ETV6: variants seen among roughly 807,000 people sequenced by gnomAD.
ETV6 encodes ETS variant transcription factor 6, also known as transcription factor ETV6.
Under a neutral mutation model 51.1 loss-of-function variants are expected in ETV6, and 16 were observed. That is an observed-to-expected ratio of 0.31 (90% CI 0.21 to 0.48). The LOEUF (loss-of-function observed/expected upper bound fraction) is 0.48. Ranked by LOEUF, ETV6 falls within the 20% of genes least tolerant of loss-of-function variation. The pLI is 0.99. For missense variants in ETV6, 458 were observed against 594.8 expected, an observed-to-expected ratio of 0.77 and a Z score of 2.39; for synonymous variants, 240 against 224.1, an observed-to-expected ratio of 1.07 and a Z score of -0.64.
chr12:11,840,216 T>G (rs1295055186), intron 3 of ETV6, among the ~76,000 whole-genome samples: 2 of 152,218 alleles, frequency 1.3e-5, no homozygotes, highest in Non-Finnish European at 2.9e-5. Context: ...AATTAAGGGC[T>G]CCTGATAATG....
At chr12:11,700,528 C>T (rs1864959781) in intron 1 of ETV6, among the ~76,000 whole-genome samples, 1 of 152,146 alleles carries the variant, frequency 6.6e-6, no homozygotes, top group Non-Finnish European at 1.5e-5. Context: ...AAAAACATAA[C>T]TACTAATAGC....
intron 2 of ETV6, among the ~76,000 whole-genome samples, chr12:11,792,552 T>C (rs1184060234): frequency 6.6e-6 from 1 of 152,106 alleles, no homozygotes; most frequent in Non-Finnish European, 1.5e-5. Context: ...CCAGGCGTGG[T>C]GGCGCACGCC....
intron 1 of ETV6, among the ~76,000 whole-genome samples, chr12:11,675,320 C>A (rs1864402293): frequency 6.6e-6 from 1 of 152,160 alleles, no homozygotes; most frequent in Admixed American, 6.5e-5. Context: ...AAACAAAAAG[C>A]CCCTGGAAAT....
At chr12:11,877,463 CACCTTCGCACACATGCATCTGTGCATAA>C (rs934877028) in intron 5 of ETV6, among the ~76,000 whole-genome samples, 4 of 152,228 alleles carry the variant, frequency 2.6e-5, no homozygotes, top group Non-Finnish European at 5.9e-5. Flanking sequence ...GACACATGTG[CACCTTCGCACACATGCATCTGTGCATAA>C]ATATCTGTGT....
At chr12:11,886,764 G>A (rs181859150) in intron 7 of ETV6, among the ~76,000 whole-genome samples, 420 of 152,224 alleles carry the variant, frequency 2.8e-3, no homozygotes, top group Non-Finnish European at 4.6e-3. Context: ...GAAAGAACTG[G>A]AAGAAGAAGG....
At chr12:11,849,648 C>G (rs1183959146) in intron 3 of ETV6, among the ~76,000 whole-genome samples, 1 of 152,190 alleles carries the variant, frequency 6.6e-6, no homozygotes. Context: ...AAGCCAGATT[C>G]CACCTCAGCA....
At chr12:11,784,594 G>A (rs1280449316) in intron 2 of ETV6, among the ~76,000 whole-genome samples, 5 of 152,160 alleles carry the variant, frequency 3.3e-5, no homozygotes, top group African/African-American at 9.7e-5. Flanking sequence ...TAAAAGGAAC[G>A]CGAGGAAGCA....
Position 11,895,289 on chromosome 12 carries a change from G to T in ETV6, c.*4243G>T. The T allele has an allele frequency of 5.4e-6, 1 of 186,346 alleles. No individual in the cohort carries two copies. Among genetic ancestry groups the T allele is most frequent in the African/African-American group, 3.0e-5 (1 of 33,196 alleles). The allele number at this position is 186,346 out of a possible 1,614,324, so 11.5% of individuals were successfully genotyped here. A position where few individuals can be genotyped will look rare whatever the true frequency, so the allele number is the denominator to read the frequency against. On this transcript the variant is annotated 3_prime_UTR_variant, in exon 8 of 8. Coordinates refer to ENST00000396373, the MANE Select transcript of ETV6 (RefSeq NM_001987.5). ...TGAATCAAATGAATGTAACAAAAAA[G>T]AAAAAAAAAACAAAAAAAAATGCCT... is the stretch of plus-strand genomic sequence containing the variant.
At chr12:11,711,141 T>C (rs1865164799) in intron 1 of ETV6, among the ~76,000 whole-genome samples, 1 of 152,244 alleles carries the variant, frequency 6.6e-6, no homozygotes, top group Non-Finnish European at 1.5e-5. Flanking sequence ...GGTCTTTGCC[T>C]ATTCTTTGGG....
intron 1 of ETV6, among the ~76,000 whole-genome samples, chr12:11,682,333 T>C (rs1391420036): frequency 2.0e-5 from 3 of 152,242 alleles, no homozygotes; most frequent in Non-Finnish European, 4.4e-5. Context: ...ATGAGCTTTT[T>C]TTCGTATGTT....
intron 2 of ETV6, among the ~76,000 whole-genome samples, chr12:11,782,852 T>C (rs1945431527): frequency 6.6e-6 from 1 of 152,056 alleles, no homozygotes; most frequent in Admixed American, 6.6e-5. Context: ...TTAAGAAAAA[T>C]ATGGGAGGTA....
intron 5 of ETV6, 120 bp from the exon 6 acceptor site, chr12:11,884,325 T>C (rs952069960): frequency 1.9e-5 from 21 of 1,098,340 alleles, no homozygotes; most frequent in African/African-American, 3.1e-5. Context: ...GGAAGTTAGT[T>C]AGACAATCAG....
chr12:11,669,646 G>C (rs1393393709), intron 1 of ETV6, among the ~76,000 whole-genome samples: 2 of 151,786 alleles, frequency 1.3e-5, no homozygotes, highest in African/African-American at 4.8e-5. Flanking sequence ...TCCTCCCCGG[G>C]TCCCTCCCCA....
intron 1 of ETV6, among the ~76,000 whole-genome samples, chr12:11,722,399 G>A (rs1331551699): frequency 6.6e-6 from 1 of 152,148 alleles, no homozygotes; most frequent in Non-Finnish European, 1.5e-5. Flanking sequence ...CCAGTAAAAT[G>A]TAGAGATACA....
chr12:11,749,285 C>G (rs1202943130), intron 1 of ETV6, among the ~76,000 whole-genome samples: 1 of 75,356 alleles, frequency 1.3e-5, no homozygotes, highest in Non-Finnish European at 2.6e-5. Flanking sequence ...GTTATCCCCC[C>G]CATACACACA....
At chr12:11,863,377 G>T (rs1022892356) in intron 4 of ETV6, among the ~76,000 whole-genome samples, 2 of 152,142 alleles carry the variant, frequency 1.3e-5, no homozygotes, top group African/African-American at 4.8e-5. Flanking sequence ...GATTATTTGT[G>T]TCTGACAGAG....
intron 2 of ETV6, among the ~76,000 whole-genome samples, chr12:11,755,856 A>C (rs890221923): frequency 6.6e-5 from 10 of 152,176 alleles, no homozygotes. Context: ...GGTATGCCTC[A>C]AAGTGGGTTC....
chr12:11,769,893 G>C (rs952869347), intron 2 of ETV6, among the ~76,000 whole-genome samples: 5 of 152,136 alleles, frequency 3.3e-5, no homozygotes, highest in African/African-American at 1.2e-4. Flanking sequence ...CCAGAGCTGT[G>C]ACTCCCTGGG....
At chr12:11,811,841 G>T (rs1336604386) in intron 2 of ETV6, among the ~76,000 whole-genome samples, 1 of 152,196 alleles carries the variant, frequency 6.6e-6, no homozygotes, top group East Asian at 1.9e-4. Flanking sequence ...CAGGAACAGA[G>T]CTGGGATTTA....
Sources: gnomAD v4.1 joint callset for allele counts (sites outside exome capture counted in the v4.1 genomes callset) on GRCh38, gnomAD v4.1.1 for gene constraint, MANE v1.5 for transcripts, NCBI Gene and HGNC (gene_info 2026-07-23, HGNC 2026-07-21) for gene names.